The following DCC variants were observed in gnomAD, a reference collection of about 807,000 sequenced individuals.
DCC encodes the protein netrin receptor DCC.
Under a neutral mutation model 172.5 loss-of-function variants are expected in DCC, and 58 were observed. The ratio of observed to expected loss-of-function variants is 0.34; its 90% CI spans 0.27 to 0.42. The LOEUF (loss-of-function observed/expected upper bound fraction) is 0.42, where lower values mean the gene tolerates loss of function less well. Among genes scored for constraint, DCC ranks in the 10% least tolerant of loss-of-function variants. DCC has a pLI of 1.00. For synonymous variants in DCC, 709 were observed against 644.5 expected, an observed-to-expected ratio of 1.10 and a Z score of -1.52; for missense variants, 1,740 against 1,791.0, an observed-to-expected ratio of 0.97 and a Z score of 0.51.
intron 1 of DCC, among the ~76,000 whole-genome samples, chr18:52,482,814 A>G (rs1344678919): frequency 4.0e-5 from 6 of 151,638 alleles, no homozygotes; most frequent in Non-Finnish European, 8.8e-5. Context: ...ATCTCTCTTC[A>G]CCTCCATCCT....
chr18:52,509,538 A>C (rs2031358281), intron 1 of DCC, among the ~76,000 whole-genome samples: 2 of 152,166 alleles, frequency 1.3e-5, no homozygotes, highest in Non-Finnish European at 2.9e-5. Flanking sequence ...GATTCCCTTT[A>C]TGAGATGAAT....
At chr18:52,900,863 G>A (rs565286214) in intron 2 of DCC, among the ~76,000 whole-genome samples, 1 of 152,250 alleles carries the variant, frequency 6.6e-6, no homozygotes, top group African/African-American at 2.4e-5. Flanking sequence ...GTTTTCCTAG[G>A]CTAACAATGT....
chr18:52,971,122 C>T (rs1357352869), intron 5 of DCC, among the ~76,000 whole-genome samples: 1 of 152,112 alleles, frequency 6.6e-6, no homozygotes, highest in African/African-American at 2.4e-5. Flanking sequence ...AGCTGTTCAA[C>T]CCCAGGGGCA....
At chr18:53,427,847 ATTTC>A (rs1160321059) in intron 21 of DCC, among the ~76,000 whole-genome samples, 1 of 108,608 alleles carries the variant, frequency 9.2e-6, no homozygotes, top group African/African-American at 3.2e-5. Context: ...TAATATATAT[ATTTC>A]TTTTTATATA....
chr18:53,077,758 C>T (rs1013644851), intron 7 of DCC, among the ~76,000 whole-genome samples: 1 of 152,162 alleles, frequency 6.6e-6, no homozygotes, highest in South Asian at 2.1e-4. Flanking sequence ...GGTCTGTCTA[C>T]CCAGGCTTTG....
chr18:53,086,253 CTTCTTCTTCTTCTTCTTCTTCCT>C lies in DCC; in HGVS notation c.1261+20132_1261+20154del, dbSNP rs1568294855. ...CCGTTCTTCTTCTTCTTCTTCCTTT[CTTCTTCTTCTTCTTCTTCTTCCT>C]TTCTTCTTCTTCTTCTTCTTCCTTT... On this transcript the variant is annotated intron_variant, in intron 7 of 28. Coordinates refer to ENST00000442544, the MANE Select transcript of DCC (RefSeq NM_005215.4). Among the ~76,000 whole-genome samples, 18 of 41,348 alleles carry C rather than the reference CTTCTTCTTCTTCTTCTTCTTCCT, an allele frequency of 4.4e-4. 1 individual carries two copies. Among genetic ancestry groups the C allele is most frequent in the East Asian group, 2.2e-3 (5 of 2,258 alleles). The allele number at this position is 41,348 out of a possible 152,430, so 27.1% of individuals were successfully genotyped here.
chr18:52,609,560 C>T (rs1000848955), intron 1 of DCC, among the ~76,000 whole-genome samples: 1 of 151,922 alleles, frequency 6.6e-6, no homozygotes, highest in African/African-American at 2.4e-5. Flanking sequence ...TGCTTGGCAC[C>T]TATAAGGACC....
intron 1 of DCC, among the ~76,000 whole-genome samples, chr18:52,488,374 C>G (rs994187634): frequency 1.3e-5 from 2 of 152,072 alleles, no homozygotes; most frequent in Admixed American, 1.3e-4. Context: ...AACAACGTAA[C>G]TGGGTTTTTT....
chr18:52,356,904 TC>T (rs1450126205), intron 1 of DCC, among the ~76,000 whole-genome samples: 1 of 152,140 alleles, frequency 6.6e-6, no homozygotes, highest in Non-Finnish European at 1.5e-5. Flanking sequence ...TGCCTCAGCC[TC>T]CCGAGTAGCT....
chr18:52,612,938 A>G (rs958513706), intron 1 of DCC, among the ~76,000 whole-genome samples: 2 of 152,204 alleles, frequency 1.3e-5, no homozygotes, highest in African/African-American at 4.8e-5. Context: ...GGTGTTTCAC[A>G]TCAAATTACT....
At chr18:52,757,803 T>C (rs544406289) in intron 2 of DCC, among the ~76,000 whole-genome samples, 1 of 152,292 alleles carries the variant, frequency 6.6e-6, no homozygotes, top group South Asian at 2.1e-4. Context: ...AAACTGTGAT[T>C]TAAGTACCCA....
Position 53,326,739 on chromosome 18 carries a change from TA to T in DCC, c.2164+4585del, listed in dbSNP as rs1162848058. Reference sequence around the variant, plus strand: ...GCTAATGTTGGAAAGCTTTGGGTCCTAAATTTTGAGTCCTAACACTCTGAAG... The same window carrying T: ...GCTAATGTTGGAAAGCTTTGGGTCCTAATTTTGAGTCCTAACACTCTGAAG... On this transcript the variant is annotated intron_variant, in intron 14 of 28. Transcript: ENST00000442544. 4.0e-5 allele frequency among the ~76,000 whole-genome samples: 6 copies of T among 150,160 alleles called. No homozygotes were observed. In the East Asian group the frequency reaches 1.2e-3, roughly 30 times the overall value.
At chr18:53,147,816 A>G (rs927344485) in intron 7 of DCC, among the ~76,000 whole-genome samples, 11 of 152,196 alleles carry the variant, frequency 7.2e-5, no homozygotes, top group Non-Finnish European at 1.2e-4. Context: ...CCTTGAGTAA[A>G]TTATTTTAAA....
intron 1 of DCC, among the ~76,000 whole-genome samples, chr18:52,682,741 G>GAA: frequency 7.6e-6 from 1 of 130,928 alleles, no homozygotes; most frequent in Admixed American, 7.7e-5. Context: ...AACAGACAGA[G>GAA]TGAGGTGGAT....
intron 9 of DCC, among the ~76,000 whole-genome samples, chr18:53,199,840 ATATT>A (rs2055508366): frequency 6.6e-6 from 1 of 152,184 alleles, no homozygotes; most frequent in Admixed American, 6.6e-5. Flanking sequence ...TTTGATATTC[ATATT>A]TATTCAAATC....
chr18:53,063,819 C>A (rs555535304), intron 6 of DCC, among the ~76,000 whole-genome samples: 2 of 152,298 alleles, frequency 1.3e-5, no homozygotes, highest in East Asian at 3.9e-4. Flanking sequence ...TCCCTTACTT[C>A]TTTGACTTTT....
intron 8 of DCC, among the ~76,000 whole-genome samples, chr18:53,166,495 G>T (rs1365423578): frequency 1.3e-5 from 2 of 152,096 alleles, no homozygotes; most frequent in Non-Finnish European, 2.9e-5. Context: ...CCAGAACTCA[G>T]TCACATTTAT....
At chr18:52,912,419 A>C (rs949753700) in intron 3 of DCC, among the ~76,000 whole-genome samples, 3 of 151,996 alleles carry the variant, frequency 2.0e-5, no homozygotes, top group African/African-American at 7.2e-5. Flanking sequence ...TCTGGGTCTC[A>C]TAAGTATTAA....
chr18:53,374,633 G>C (rs993785159), intron 15 of DCC, among the ~76,000 whole-genome samples: 1 of 151,974 alleles, frequency 6.6e-6, no homozygotes, highest in Non-Finnish European at 1.5e-5. Context: ...AAATATAAAA[G>C]ATAGTCAACC....
Sources: gnomAD v4.1 joint callset for allele counts (sites outside exome capture counted in the v4.1 genomes callset) on GRCh38, gnomAD v4.1.1 for gene constraint, MANE v1.5 for transcripts, NCBI Gene and HGNC (gene_info 2026-07-23, HGNC 2026-07-21) for gene names.